Variants in FSTL5 observed in about 807,000 individuals in gnomAD.
FSTL5 encodes the protein follistatin like 5.
Under a neutral mutation model 89.1 loss-of-function variants are expected in FSTL5, and 62 were observed. The observed-to-expected ratio is 0.70, with a 90% CI of 0.57 to 0.86. The LOEUF (loss-of-function observed/expected upper bound fraction) is 0.86. Among genes scored for constraint, FSTL5 ranks in the 40% least tolerant of loss-of-function variants. The pLI, the probability that FSTL5 is intolerant of heterozygous loss-of-function variation, is 0.00. For synonymous variants in FSTL5, 383 were observed against 346.2 expected (o/e 1.11, Z -1.18); for missense variants, 1,057 against 1,001.6 (o/e 1.06, Z -0.75).
intron 4 of FSTL5, among the ~76,000 whole-genome samples, chr4:161,916,051 CTAATT>C (rs2110847021): frequency 6.6e-6 from 1 of 151,664 alleles, no homozygotes; most frequent in Admixed American, 6.6e-5. Context: ...GGTAAAATAA[CTAATT>C]TAAATATGTA....
At chr4:162,134,215 T>C (rs1043840570) in intron 1 of FSTL5, among the ~76,000 whole-genome samples, 1 of 152,194 alleles carries the variant, frequency 6.6e-6, no homozygotes, top group Admixed American at 6.5e-5. Context: ...GGAATAAGAA[T>C]CATCCTGGAT....
At chr4:162,078,012 A>G (rs983151627) in intron 2 of FSTL5, among the ~76,000 whole-genome samples, 12 of 151,860 alleles carry the variant, frequency 7.9e-5, no homozygotes, top group Admixed American at 1.3e-4. Flanking sequence ...GCACCCATGA[A>G]AACTATGGTA....
chr4:162,005,833 A>G (rs987917570), intron 3 of FSTL5, among the ~76,000 whole-genome samples: 1 of 152,232 alleles, frequency 6.6e-6, no homozygotes, highest in African/African-American at 2.4e-5. Context: ...GGAACTTTCC[A>G]AGGAAATAAC....
At chr4:162,087,728 C>T (rs1157553578) in intron 2 of FSTL5, among the ~76,000 whole-genome samples, 2 of 152,118 alleles carry the variant, frequency 1.3e-5, no homozygotes. Flanking sequence ...TATGGACCTT[C>T]CCACCACAGT....
At chr4:161,810,844 T>C (rs1258015204) in intron 4 of FSTL5, among the ~76,000 whole-genome samples, 2 of 152,190 alleles carry the variant, frequency 1.3e-5, no homozygotes, top group African/African-American at 2.4e-5. Context: ...TCAGGTGACA[T>C]AGATATTACA....
chr4:162,040,815 TTATC>T (rs1265883912), intron 2 of FSTL5, among the ~76,000 whole-genome samples: 1 of 149,744 alleles, frequency 6.7e-6, no homozygotes, highest in Non-Finnish European at 1.5e-5. Flanking sequence ...CCATTATTAT[TTATC>T]TTTTTTTTTC....
intron 15 of FSTL5, among the ~76,000 whole-genome samples, chr4:161,412,227 T>A (rs1488343744): frequency 6.6e-6 from 1 of 152,134 alleles, no homozygotes; most frequent in Non-Finnish European, 1.5e-5. Flanking sequence ...TGCTCGTGGA[T>A]GGGAAGAATC....
At chr4:161,528,126 C>A (rs1169536797) in intron 10 of FSTL5, among the ~76,000 whole-genome samples, 51 of 79,728 alleles carry the variant, frequency 6.4e-4, no homozygotes, top group East Asian at 1.9e-3. Context: ...AGGGGAACAT[C>A]ATACTCTGGG....
At chr4:161,997,558 T>A (rs1197391860) in intron 3 of FSTL5, among the ~76,000 whole-genome samples, 1 of 152,068 alleles carries the variant, frequency 6.6e-6, no homozygotes, top group Non-Finnish European at 1.5e-5. Flanking sequence ...AAGTTTTAAG[T>A]CTTTATATGA....
At chr4:162,085,737 G>A (rs952662026) in intron 2 of FSTL5, among the ~76,000 whole-genome samples, 1 of 152,040 alleles carries the variant, frequency 6.6e-6, no homozygotes, top group African/African-American at 2.4e-5. Context: ...TCCTCGTCAT[G>A]GTAGCCCTGC....
intron 4 of FSTL5, among the ~76,000 whole-genome samples, chr4:161,829,702 T>C (rs909563913): frequency 6.6e-6 from 1 of 152,084 alleles, no homozygotes; most frequent in Non-Finnish European, 1.5e-5. Flanking sequence ...ACCACCTTGT[T>C]ATATAGTTAA....
intron 8 of FSTL5, among the ~76,000 whole-genome samples, chr4:161,575,541 C>A (rs72687554): frequency 0.012 from 1,800 of 152,014 alleles, 19 homozygotes; most frequent in Non-Finnish European, 0.019. Context: ...GAAACCTCTG[C>A]CCCCTGGATT....
At chr4:161,853,907 G>T (rs1365637934) in intron 4 of FSTL5, among the ~76,000 whole-genome samples, 1 of 152,040 alleles carries the variant, frequency 6.6e-6, no homozygotes, top group Non-Finnish European at 1.5e-5. Context: ...ATTAGATATG[G>T]CTTTTAGACT....
intron 4 of FSTL5, among the ~76,000 whole-genome samples, chr4:161,800,883 T>C (rs1040046258): frequency 6.6e-6 from 1 of 151,564 alleles, no homozygotes; most frequent in Non-Finnish European, 1.5e-5. Context: ...ATAAAATTGG[T>C]GAATATTATG....
At chr4:162,031,257 C>A (rs1226220114) in intron 3 of FSTL5, among the ~76,000 whole-genome samples, 2 of 152,092 alleles carry the variant, frequency 1.3e-5, no homozygotes, top group Non-Finnish European at 2.9e-5. Flanking sequence ...TAGACATACT[C>A]CTGACAATGT....
At position 161,553,718 on chromosome 4, in the gene FSTL5, G is replaced by T. The variant is rs1331397975; in HGVS notation, c.1016-11025C>A. Among the ~76,000 whole-genome samples, 4 of 151,416 alleles carry T rather than the reference G, an allele frequency of 2.6e-5. No homozygotes were observed. In the East Asian group the frequency reaches 7.8e-4, roughly 29 times the overall value. Reference sequence around the variant, plus strand: ...TTGGCATCCACATTCATTAAATTATGAATTAGATTGTTAGCTATAATGTAT... The same window carrying T: ...TTGGCATCCACATTCATTAAATTATTAATTAGATTGTTAGCTATAATGTAT... On this transcript the variant is annotated intron_variant, in intron 8 of 15. Coordinates refer to ENST00000306100, the MANE Select transcript of FSTL5 (RefSeq NM_020116.5).
intron 10 of FSTL5, among the ~76,000 whole-genome samples, chr4:161,535,608 G>A (rs1012780088): frequency 2.0e-5 from 3 of 152,088 alleles, no homozygotes; most frequent in African/African-American, 7.2e-5. Context: ...AGGTTATGGA[G>A]AAAAGCGAAT....
At chr4:162,054,046 TAA>T (rs1325359497) in intron 2 of FSTL5, among the ~76,000 whole-genome samples, 1 of 151,784 alleles carries the variant, frequency 6.6e-6, no homozygotes, top group Non-Finnish European at 1.5e-5. Context: ...GCAAAATTGA[TAA>T]AATATTTAGC....
At chr4:161,664,137 G>A (rs1422281816) in intron 6 of FSTL5, among the ~76,000 whole-genome samples, 1 of 152,160 alleles carries the variant, frequency 6.6e-6, no homozygotes, top group Non-Finnish European at 1.5e-5. Flanking sequence ...TGCGGTGAAG[G>A]TCTCTGACAC....
Sources: gnomAD v4.1 joint callset for allele counts (sites outside exome capture counted in the v4.1 genomes callset) on GRCh38, gnomAD v4.1.1 for gene constraint, MANE v1.5 for transcripts, NCBI Gene and HGNC (gene_info 2026-07-23, HGNC 2026-07-21) for gene names.